Variants in SSBP3 observed in about 807,000 individuals in gnomAD.
SSBP3 encodes the protein single stranded DNA binding protein 3, also known as single-stranded DNA-binding protein 3.
In SSBP3, 5 loss-of-function variants were observed where a neutral mutation model predicts 69.6. That is an observed-to-expected ratio of 0.07 (90% confidence interval 0.04 to 0.15). The LOEUF (loss-of-function observed/expected upper bound fraction) is 0.15, where lower values mean the gene tolerates loss of function less well. Among genes scored for constraint, SSBP3 ranks in the 10% least tolerant of loss-of-function variants. The pLI is 1.00. For synonymous variants in SSBP3, 196 were observed against 193.4 expected, an observed-to-expected ratio of 1.01 and a Z score of -0.11; for missense variants, 312 against 534.0, an observed-to-expected ratio of 0.58 and a Z score of 4.10.
At chr1:54,361,479 C>T (rs926605429) in intron 4 of SSBP3, among the ~76,000 whole-genome samples, 2 of 152,094 alleles carry the variant, frequency 1.3e-5, no homozygotes, top group Non-Finnish European at 2.9e-5. Context: ...GAACCCCACA[C>T]GCACTCCCGC....
At chr1:54,270,336 A>C (rs1158214955) in intron 5 of SSBP3, among the ~76,000 whole-genome samples, 1 of 152,106 alleles carries the variant, frequency 6.6e-6, no homozygotes, top group Non-Finnish European at 1.5e-5. Flanking sequence ...CAGACACACA[A>C]CACCTGCCTC....
At chr1:54,294,701 C>T (rs1202902466) in intron 4 of SSBP3, among the ~76,000 whole-genome samples, 1 of 152,162 alleles carries the variant, frequency 6.6e-6, no homozygotes, top group African/African-American at 2.4e-5. Flanking sequence ...GGCCAGCCTC[C>T]CTTCCATCTC....
At chr1:54,407,327 G>A (rs1649849704), upstream of SSBP3, among the ~76,000 whole-genome samples, 1 of 152,164 alleles carries the variant, frequency 6.6e-6, no homozygotes, top group Non-Finnish European at 1.5e-5. Flanking sequence ...CGGAATGCTC[G>A]CCACAGAAAT....
chr1:54,361,661 C>T (rs1646954475), intron 4 of SSBP3, among the ~76,000 whole-genome samples: 1 of 152,080 alleles, frequency 6.6e-6, no homozygotes, highest in Non-Finnish European at 1.5e-5. Flanking sequence ...CTCCCCAAAG[C>T]CCGGCAGCGA....
intron 4 of SSBP3, among the ~76,000 whole-genome samples, chr1:54,320,326 T>C (rs1246354319): frequency 1.3e-5 from 2 of 152,024 alleles, no homozygotes; most frequent in Admixed American, 1.3e-4. Flanking sequence ...AAAGGTTTTT[T>C]TGTTTTGTTT....
chr1:54,239,639 G>A (rs1207956254), intron 13 of SSBP3, among the ~76,000 whole-genome samples: 2 of 152,238 alleles, frequency 1.3e-5, no homozygotes, highest in African/African-American at 2.4e-5. Flanking sequence ...TGATGGGGCA[G>A]GAGGGAGAGG....
chr1:54,363,192 G>A (rs1361757823), intron 4 of SSBP3, among the ~76,000 whole-genome samples: 4 of 152,150 alleles, frequency 2.6e-5, no homozygotes, highest in Non-Finnish European at 4.4e-5. Context: ...AAGGGAAAAT[G>A]ACAGACACTG....
intron 4 of SSBP3, among the ~76,000 whole-genome samples, chr1:54,394,945 C>T (rs1249971764): frequency 2.6e-5 from 4 of 151,918 alleles, no homozygotes; most frequent in South Asian, 2.1e-4. Context: ...ACTCGTGATC[C>T]GCCAGCCTCG....
At chr1:54,329,769 A>G (rs907685109) in intron 4 of SSBP3, among the ~76,000 whole-genome samples, 12 of 152,196 alleles carry the variant, frequency 7.9e-5, no homozygotes, top group Non-Finnish European at 1.3e-4. Flanking sequence ...TGTTCAATAC[A>G]AAACAGCGGC....
intron 4 of SSBP3, among the ~76,000 whole-genome samples, chr1:54,332,653 C>T (rs536075956): frequency 6.6e-6 from 1 of 152,244 alleles, no homozygotes; most frequent in East Asian, 1.9e-4. Context: ...AAGGAAGTGA[C>T]ACGCTCCCAG....
chr1:54,254,396 CT>C (rs1644883728), intron 7 of SSBP3, among the ~76,000 whole-genome samples: 1 of 152,218 alleles, frequency 6.6e-6, no homozygotes, highest in Non-Finnish European at 1.5e-5. Context: ...CCACTCTCTC[CT>C]AAACCCGGCT....
intron 4 of SSBP3, among the ~76,000 whole-genome samples, chr1:54,387,314 A>C (rs1450929822): frequency 6.6e-6 from 1 of 152,252 alleles, no homozygotes; most frequent in Admixed American, 6.5e-5. Context: ...CTGAAATCCA[A>C]CCTCTCCTTG....
At chr1:54,392,660 T>C (rs56159324) in intron 4 of SSBP3, among the ~76,000 whole-genome samples, 1,604 of 152,334 alleles carry the variant, frequency 0.011, 28 homozygotes, top group African/African-American at 0.037. Flanking sequence ...GCACAGTTGA[T>C]GCCTGGGCAG....
chr1:54,381,158 G>A lies in SSBP3; in HGVS notation c.276+20703C>T, dbSNP rs544175288. 3.4e-4 allele frequency among the ~76,000 whole-genome samples: 51 copies of A among 152,176 alleles called. No homozygotes were observed. In the East Asian group the frequency reaches 9.3e-3, roughly 28 times the overall value. ...CCAGCACTCTGGGAGGCCGAGGCTG[G>A]TGGATCATGAGGTCAGGTGAGGAAG... On this transcript the variant is annotated intron_variant, in intron 4 of 17. Transcript: ENST00000610401.
chr1:54,324,927 G>A (rs1646274241), intron 4 of SSBP3, among the ~76,000 whole-genome samples: 1 of 152,146 alleles, frequency 6.6e-6, no homozygotes, highest in African/African-American at 2.4e-5. Flanking sequence ...CAAATGTGAA[G>A]ACAATGGGAG....
chr1:54,258,764 C>T lies in SSBP3; in HGVS notation c.367-615G>A, dbSNP rs544175108. 1.3e-5 allele frequency among the ~76,000 whole-genome samples: 2 copies of T among 152,300 alleles called. No homozygotes were observed. Among genetic ancestry groups the T allele is most frequent in the South Asian group, 2.1e-4 (1 of 4,822 alleles). ...AGCAAGGGGCACCACAGATGTAACA[C>T]ACAGGGAGTGAGGGGACAGTGAGTG... On this transcript the variant is annotated intron_variant, in intron 5 of 17. Coordinates refer to ENST00000610401, the Ensembl canonical transcript of SSBP3. This position sits in a 1 kb window ranked among gnomAD's most constrained non-coding sequence, Gnocchi z 4.5.
At chr1:54,240,099 C>CGCGT (rs1644594892) in intron 13 of SSBP3, among the ~76,000 whole-genome samples, 1 of 105,294 alleles carries the variant, frequency 9.5e-6, no homozygotes, top group Non-Finnish European at 1.9e-5. Flanking sequence ...CGCGCGCGCG[C>CGCGT]GTGTGCGTGC....
intron 4 of SSBP3, among the ~76,000 whole-genome samples, chr1:54,365,968 G>T (rs1217614116): frequency 6.6e-6 from 1 of 152,184 alleles, no homozygotes; most frequent in Non-Finnish European, 1.5e-5. Flanking sequence ...ACTAATCGCA[G>T]TTCTGACCTC....
intron 14 of SSBP3, among the ~76,000 whole-genome samples, chr1:54,229,310 G>A (rs541452949): frequency 1.3e-5 from 2 of 152,366 alleles, no homozygotes; most frequent in South Asian, 4.1e-4. Flanking sequence ...GGAGGTGGAG[G>A]AGCTGGGACT....
Sources: allele counts gnomAD v4.1 joint callset (sites outside exome capture counted in the v4.1 genomes callset), GRCh38; gene constraint gnomAD v4.1.1; non-coding constraint Gnocchi (gnomAD v3.1); transcripts MANE v1.5; gene names NCBI Gene and HGNC (gene_info 2026-07-23, HGNC 2026-07-21).